SNTG1: variants seen among roughly 807,000 people sequenced by gnomAD.
SNTG1 encodes the protein gamma-1-syntrophin.
In SNTG1, 39 loss-of-function variants were observed where a neutral mutation model predicts 74.7. The ratio of observed to expected loss-of-function variants is 0.52; its 90% CI spans 0.40 to 0.68. The LOEUF is 0.68. Ranked by LOEUF, SNTG1 falls within the 30% of genes least tolerant of loss-of-function variation. The probability of loss-of-function intolerance (pLI) is 0.00; values close to 1 mark genes in which losing one functional copy is unlikely to be tolerated. For synonymous variants in SNTG1, 254 were observed against 217.1 expected (o/e 1.17, Z -1.49); for missense variants, 685 against 609.5 (o/e 1.12, Z -1.30).
intron 17 of SNTG1, among the ~76,000 whole-genome samples, chr8:50,719,022 C>T (rs954792552): frequency 1.3e-5 from 2 of 152,080 alleles, no homozygotes; most frequent in African/African-American, 4.8e-5. Context: ...GAACTGGCAA[C>T]TGTGTGTTCA....
At chr8:50,047,283 G>A (rs1819174263) in intron 1 of SNTG1, among the ~76,000 whole-genome samples, 1 of 151,892 alleles carries the variant, frequency 6.6e-6, no homozygotes. Context: ...ATGCTGCAGT[G>A]AGCCATGATG....
At chr8:50,706,379 G>C (rs1466875556) in intron 16 of SNTG1, among the ~76,000 whole-genome samples, 1 of 152,062 alleles carries the variant, frequency 6.6e-6, no homozygotes, top group Non-Finnish European at 1.5e-5. Flanking sequence ...TAAGTTGACA[G>C]TTTTGTTATT....
intron 2 of SNTG1, among the ~76,000 whole-genome samples, chr8:50,254,179 A>G (rs1330704484): frequency 2.0e-5 from 3 of 152,224 alleles, no homozygotes; most frequent in Non-Finnish European, 2.9e-5. Context: ...TATAATTACA[A>G]GATTTCAACA....
At chr8:50,038,648 A>C (rs1037579273) in intron 1 of SNTG1, among the ~76,000 whole-genome samples, 1 of 152,174 alleles carries the variant, frequency 6.6e-6, no homozygotes, top group South Asian at 2.1e-4. Flanking sequence ...TCTGATTTCA[A>C]AGTTCTTGTC....
At chr8:50,381,694 C>T (rs2092486273) in intron 2 of SNTG1, among the ~76,000 whole-genome samples, 4 of 112,316 alleles carry the variant, frequency 3.6e-5, no homozygotes, top group Admixed American at 9.9e-5. Context: ...TATATATATC[C>T]TATTAGTTAT....
At chr8:50,731,941 C>G (rs140736596) in intron 17 of SNTG1, among the ~76,000 whole-genome samples, 1 of 152,052 alleles carries the variant, frequency 6.6e-6, no homozygotes, top group African/African-American at 2.4e-5. Flanking sequence ...AATTTGCCTA[C>G]GTTCTTGTCT....
intron 8 of SNTG1, among the ~76,000 whole-genome samples, chr8:50,493,748 T>A (rs2093879251): frequency 6.6e-6 from 1 of 150,574 alleles, no homozygotes; most frequent in South Asian, 2.1e-4. Flanking sequence ...TATATAATAT[T>A]TTTTACTTCT....
chr8:50,451,510 C>T (rs1563405722), intron 8 of SNTG1, among the ~76,000 whole-genome samples: 1 of 151,868 alleles, frequency 6.6e-6, no homozygotes, highest in Non-Finnish European at 1.5e-5. Flanking sequence ...AAGAGAGAGA[C>T]AGAGAGAGAG....
chr8:50,204,901 A>G (rs1479638987), intron 2 of SNTG1, among the ~76,000 whole-genome samples: 6 of 152,154 alleles, frequency 3.9e-5, no homozygotes, highest in Admixed American at 6.5e-5. Context: ...ACGTGAACTC[A>G]TCCTTTTTTA....
intron 1 of SNTG1, among the ~76,000 whole-genome samples, chr8:50,008,669 GATA>G (rs1381004681): frequency 6.6e-6 from 1 of 152,080 alleles, no homozygotes; most frequent in Non-Finnish European, 1.5e-5. Flanking sequence ...CCTGATAGTG[GATA>G]ATACCAGATA....
chr8:50,779,759 A>G (rs1275720522), intron 18 of SNTG1, among the ~76,000 whole-genome samples: 1 of 117,568 alleles, frequency 8.5e-6, no homozygotes, highest in Non-Finnish European at 1.6e-5. Flanking sequence ...GAGTGGTGAG[A>G]GAGGGCATCC....
At chr8:50,163,460 T>C (rs941189829) in intron 1 of SNTG1, 1 of 151,148 alleles carries the variant, frequency 6.6e-6, no homozygotes, top group Non-Finnish European at 1.5e-5. Flanking sequence ...AAATTTCTCT[T>C]CAGGAATTTT....
intron 13 of SNTG1, among the ~76,000 whole-genome samples, chr8:50,596,631 C>G (rs574804576): frequency 6.6e-6 from 1 of 151,966 alleles, no homozygotes; most frequent in Non-Finnish European, 1.5e-5. Context: ...AATGCTGTTG[C>G]CTTGGTCTAT....
At position 50,403,739 on chromosome 8, in the gene SNTG1, A is replaced by G. The variant is rs149884380; in HGVS notation, c.162+1395A>G. On this transcript the variant is annotated intron_variant, in intron 4 of 18. Transcript: ENST00000642720. ...ATCCTATGGCATTTTCAACAAATTC[A>G]AAAAAGCATTTGACAAAATTCAACA... Among the ~76,000 whole-genome samples, 764 of 152,360 alleles carry G rather than the reference A, an allele frequency of 5.0e-3. 6 individuals carry two copies. The highest frequency in any genetic ancestry group is 0.018 in the African/African-American group (737 of 41,594).
At chr8:50,359,361 G>C (rs1454046033) in intron 2 of SNTG1, among the ~76,000 whole-genome samples, 1 of 152,144 alleles carries the variant, frequency 6.6e-6, no homozygotes, top group African/African-American at 2.4e-5. Context: ...CTGAACCAAG[G>C]CTGGAATTTA....
chr8:50,490,701 G>A (rs112695138), intron 8 of SNTG1: 1 of 152,272 alleles, frequency 6.6e-6, no homozygotes, highest in Non-Finnish European at 1.5e-5. Flanking sequence ...CAGCCCCAGG[G>A]GTAGGCAGGC....
intron 1 of SNTG1, among the ~76,000 whole-genome samples, chr8:50,143,312 T>C (rs1051079967): frequency 1.4e-4 from 22 of 152,182 alleles, no homozygotes; most frequent in African/African-American, 5.1e-4. Flanking sequence ...TGCCTTGCTA[T>C]ATTTTGTACT....
chr8:50,202,279 A>G (rs934982582), intron 2 of SNTG1, among the ~76,000 whole-genome samples: 2 of 152,132 alleles, frequency 1.3e-5, no homozygotes, highest in Non-Finnish European at 2.9e-5. Context: ...CCATGTATCC[A>G]CAATTACATA....
chr8:50,725,712 C>T (rs2095498466), intron 17 of SNTG1, among the ~76,000 whole-genome samples: 1 of 152,166 alleles, frequency 6.6e-6, no homozygotes, highest in South Asian at 2.1e-4. Context: ...GTGTTGAATA[C>T]TTCCCCTGCA....
Sources: gnomAD v4.1 joint callset for allele counts (sites outside exome capture counted in the v4.1 genomes callset) on GRCh38, gnomAD v4.1.1 for gene constraint, MANE v1.5 for transcripts, NCBI Gene and HGNC (gene_info 2026-07-23, HGNC 2026-07-21) for gene names.